The following LRP1B variants were observed in gnomAD, a reference collection of about 807,000 sequenced individuals.
The protein encoded by LRP1B is LDL receptor related protein 1B.
In LRP1B, 217 loss-of-function variants were observed where a neutral mutation model predicts 556.6. The observed-to-expected ratio is 0.39, with a 90% CI of 0.35 to 0.44. LRP1B has a LOEUF of 0.44. LRP1B is among the 20% of genes least tolerant of loss of function. The pLI is 1.00. For synonymous variants in LRP1B, 2,047 were observed against 1,865.8 expected (o/e 1.10, Z -2.50); for missense variants, 5,053 against 5,620.8 (o/e 0.90, Z 3.23).
rs982925491 is a variant in LRP1B, at chr2:141,886,211, TA to T, written c.83-75811del. Among the ~76,000 whole-genome samples, 77 of 152,300 alleles carry T rather than the reference TA, an allele frequency of 5.1e-4. 1 individual carries two copies. Among genetic ancestry groups the T allele is most frequent in the African/African-American group, 1.8e-3 (75 of 41,560 alleles). ...ATTCATGCCTGTAATGACAGGAATG[TA>T]AAGGTTAAGTGGGTAGGACTACGAC... On this transcript the variant is annotated intron_variant, in intron 1 of 90. Transcript: ENST00000389484.
At chr2:140,908,388 ATAT>A (rs1559188006) in intron 21 of LRP1B, among the ~76,000 whole-genome samples, 16 of 138,692 alleles carry the variant, frequency 1.2e-4, no homozygotes, top group African/African-American at 4.2e-4. Flanking sequence ...ATATATATAT[ATAT>A]AAAAAGAAGG....
intron 1 of LRP1B, among the ~76,000 whole-genome samples, chr2:142,110,517 C>A (rs1055582152): frequency 2.6e-5 from 4 of 152,016 alleles, no homozygotes; most frequent in African/African-American, 7.2e-5. Context: ...GTGGGAGAAA[C>A]CCTCAGTTCT....
chr2:141,374,913 T>C (rs887323380), intron 3 of LRP1B, among the ~76,000 whole-genome samples: 4 of 152,176 alleles, frequency 2.6e-5, no homozygotes, highest in Non-Finnish European at 5.9e-5. Context: ...ATTGTTGTGG[T>C]CCTTTGGTGG....
Position 141,580,286 on chromosome 2 carries a change from A to G in LRP1B, c.206-99753T>C, listed in dbSNP as rs1686917512. 1.3e-5 allele frequency among the ~76,000 whole-genome samples: 2 copies of G among 152,240 alleles called. 1 individual carries two copies. Among genetic ancestry groups the G allele is most frequent in the South Asian group, 4.1e-4 (2 of 4,838 alleles). ...AAGACATGAATATTTCTCCTGGATT[A>G]CATGATAAAGATTACAAACTCATTG... On this transcript the variant is annotated intron_variant, in intron 2 of 90. Coordinates refer to ENST00000389484, the MANE Select transcript of LRP1B (RefSeq NM_018557.3).
chr2:142,036,374 C>T (rs944566946), intron 1 of LRP1B, among the ~76,000 whole-genome samples: 1 of 151,602 alleles, frequency 6.6e-6, no homozygotes, highest in African/African-American at 2.4e-5. Flanking sequence ...TATCAAAAGA[C>T]ATTTTTGAAG....
intron 32 of LRP1B, among the ~76,000 whole-genome samples, chr2:140,782,125 A>G (rs1440424130): frequency 6.6e-6 from 1 of 152,174 alleles, no homozygotes; most frequent in Non-Finnish European, 1.5e-5. Flanking sequence ...TGAAATTCAA[A>G]CACTGCTTGC....
Position 141,589,243 on chromosome 2 carries a change from A to G in LRP1B, c.206-108710T>C, listed in dbSNP as rs186083297. Among the ~76,000 whole-genome samples the G allele has an allele frequency of 5.7e-4, 79 of 139,532 alleles. 1 individual carries two copies. Among genetic ancestry groups the G allele is most frequent in the Non-Finnish European group, 2.8e-4 (17 of 60,460 alleles). 91.5% of individuals were successfully genotyped at this position (139,532 alleles called of 152,430 possible). A position where few individuals can be genotyped will look rare whatever the true frequency, so the allele number is the denominator to read the frequency against. ...AGATGAGCGTTTTGGATGAAAATCT[A>G]AGTCAGTTATGTACTCTGTTTGTTT... On this transcript the variant is annotated intron_variant, in intron 2 of 90. Transcript: ENST00000389484.
intron 37 of LRP1B, among the ~76,000 whole-genome samples, chr2:140,707,896 C>T (rs144762407): frequency 0.011 from 1,726 of 152,130 alleles, 27 homozygotes; most frequent in South Asian, 0.027. Context: ...AAATATAAAA[C>T]CAGTCTACCC....
intron 7 of LRP1B, among the ~76,000 whole-genome samples, chr2:141,183,559 C>T (rs1372687393): frequency 5.9e-5 from 9 of 152,014 alleles, no homozygotes; most frequent in Non-Finnish European, 1.3e-4. Context: ...TTGTACAGAA[C>T]AAAGACAACA....
chr2:141,471,500 G>T (rs2105069441), intron 3 of LRP1B, among the ~76,000 whole-genome samples: 1 of 152,202 alleles, frequency 6.6e-6, no homozygotes, highest in Admixed American at 6.5e-5. Context: ...TTATGCCTCT[G>T]TATATGTAGT....
chr2:140,891,857 T>C (rs766266245), intron 23 of LRP1B, among the ~76,000 whole-genome samples: 1 of 152,192 alleles, frequency 6.6e-6, no homozygotes, highest in South Asian at 2.1e-4. Context: ...GTTTCTCTCT[T>C]AGTAATCACT....
chr2:140,538,282 T>C (rs1231005415), intron 45 of LRP1B, among the ~76,000 whole-genome samples: 2 of 152,130 alleles, frequency 1.3e-5, no homozygotes, highest in Admixed American at 6.6e-5. Context: ...ATGGGTTTAC[T>C]ACATGATACT....
intron 1 of LRP1B, among the ~76,000 whole-genome samples, chr2:141,850,966 AG>A (rs1697832719): frequency 6.6e-6 from 1 of 151,760 alleles, no homozygotes; most frequent in African/African-American, 2.4e-5. Context: ...GGGCTCTGTA[AG>A]AAGCTGACAG....
In LRP1B at chr2:140,584,532, G is replaced by T. The variant is rs1252178143; in HGVS notation, c.7194+14099C>A. Reference sequence around the variant, plus strand: ...AAATTCTATCTGATGCCTAAAAATTGAAAGTTTCTAGGAAATGTTAAATCA... The same window carrying T: ...AAATTCTATCTGATGCCTAAAAATTTAAAGTTTCTAGGAAATGTTAAATCA... On this transcript the variant is annotated intron_variant, in intron 43 of 90. Transcript: ENST00000389484. 2.0e-5 allele frequency among the ~76,000 whole-genome samples: 3 copies of T among 152,134 alleles called. No homozygotes were observed. The East Asian group carries it at 5.8e-4, about 30-fold the overall frequency.
intron 2 of LRP1B, among the ~76,000 whole-genome samples, chr2:141,798,770 G>A (rs188003149): frequency 4.6e-5 from 7 of 151,496 alleles, no homozygotes; most frequent in African/African-American, 1.7e-4. Flanking sequence ...TGTGTTATGG[G>A]CTGAATTGGT....
At chr2:140,895,749 G>T (rs1187834619) in intron 23 of LRP1B, among the ~76,000 whole-genome samples, 1 of 152,114 alleles carries the variant, frequency 6.6e-6, no homozygotes, top group African/African-American at 2.4e-5. Flanking sequence ...AGCTGAAAAG[G>T]GGATGGAGCA....
intron 3 of LRP1B, among the ~76,000 whole-genome samples, chr2:141,408,262 C>T (rs1023670963): frequency 2.0e-5 from 3 of 151,396 alleles, no homozygotes; most frequent in South Asian, 2.1e-4. Context: ...CCTGCCTCAG[C>T]CTCCCAAGTA....
At chr2:141,361,702 G>T (rs569016432) in intron 3 of LRP1B, among the ~76,000 whole-genome samples, 2 of 152,140 alleles carry the variant, frequency 1.3e-5, no homozygotes, top group African/African-American at 4.8e-5. Flanking sequence ...AGCTTTCAAG[G>T]TATCTTTTAA....
intron 21 of LRP1B, among the ~76,000 whole-genome samples, chr2:140,920,145 C>T (rs999914734): frequency 6.6e-6 from 1 of 151,944 alleles, no homozygotes; most frequent in Admixed American, 6.6e-5. Context: ...GACAGAGTGA[C>T]TGAAAATTCA....
Sources: allele counts gnomAD v4.1 joint callset (sites outside exome capture counted in the v4.1 genomes callset), GRCh38; gene constraint gnomAD v4.1.1; transcripts MANE v1.5; gene names NCBI Gene and HGNC (gene_info 2026-07-23, HGNC 2026-07-21).